Variants in ZAN observed in about 807,000 individuals in gnomAD.
The protein encoded by ZAN is zonadhesin.
A neutral mutation model predicts 286.2 loss-of-function variants in ZAN; 260 were observed. The ratio of observed to expected loss-of-function variants is 0.91; its 90% CI spans 0.82 to 1.01. ZAN has a LOEUF of 1.01. Among genes scored for constraint, ZAN ranks in the 50% least tolerant of loss-of-function variants. The pLI, the probability that ZAN is intolerant of heterozygous loss-of-function variation, is 0.00. For synonymous variants in ZAN, 1,368 were observed against 1,417.5 expected, an observed-to-expected ratio of 0.97 and a Z score of 0.79; for missense variants, 3,410 against 3,639.2, an observed-to-expected ratio of 0.94 and a Z score of 1.62.
chr7:100,743,031 C>CT lies in ZAN; in HGVS notation c.767-3494dup, dbSNP rs555399986. ...CAGGCGACACTCTTTCTTTTTCTTT[C>CT]TTTTTTTTTTTTTGAGACAGAATCT... On this transcript the variant is annotated intron_variant, in intron 7 of 47. Coordinates refer to ENST00000613979, the MANE Select transcript of ZAN (RefSeq NM_003386.3). 4.9e-3 allele frequency among the ~76,000 whole-genome samples: 600 copies of CT among 122,278 alleles called. 49 individuals carry two copies. The highest frequency in any genetic ancestry group is 0.027 in the South Asian group (105 of 3,838). The allele number at this position is 122,278 out of a possible 152,430, so 80.2% of individuals were successfully genotyped here.
intron 19 of ZAN, among the ~76,000 whole-genome samples, chr7:100,761,117 C>A (rs1809543345): frequency 6.6e-6 from 1 of 152,174 alleles, no homozygotes; most frequent in African/African-American, 2.4e-5. Context: ...TTGTCTCGAA[C>A]TCCTGACTTC....
At chr7:100,766,901 G>C (rs1223768895) in intron 24 of ZAN, 109 bp from the exon 25 acceptor site, 1 of 1,540,100 alleles carries the variant, frequency 6.5e-7, no homozygotes, top group African/African-American at 1.4e-5. Context: ...ACATCTGTGG[G>C]TGGGCCGTGG....
intron 28 of ZAN, among the ~76,000 whole-genome samples, chr7:100,770,825 T>C (rs1403788396): frequency 6.6e-6 from 1 of 150,454 alleles, no homozygotes; most frequent in African/African-American, 2.4e-5. Flanking sequence ...CAACTAATTT[T>C]TTTTTTCTCA....
At chr7:100,759,371 A>T (rs1374466094) in intron 17 of ZAN, among the ~76,000 whole-genome samples, 1 of 152,166 alleles carries the variant, frequency 6.6e-6, no homozygotes, top group Admixed American at 6.6e-5. Context: ...ACACCACTGC[A>T]CTCCAGCCTG....
intron 27 of ZAN, 90 bp downstream of exon 27, chr7:100,768,811 C>A: frequency 1.9e-6 from 2 of 1,079,616 alleles, no homozygotes; most frequent in Non-Finnish European, 2.7e-6. Flanking sequence ...TGTGTGTCCC[C>A]ACTCCCTCTG....
At chr7:100,787,797 G>C in intron 37 of ZAN, 92 bp from the exon 38 acceptor site, 1 of 1,323,292 alleles carries the variant, frequency 7.6e-7, no homozygotes, top group Non-Finnish European at 9.9e-7. Flanking sequence ...CCTGACCTCA[G>C]GTCATCCACC....
intron 3 of ZAN, among the ~76,000 whole-genome samples, 186 bp downstream of exon 3, chr7:100,735,958 C>G (rs1807264142): frequency 7.1e-6 from 1 of 141,042 alleles, no homozygotes; most frequent in African/African-American, 2.6e-5. Flanking sequence ...GTTCATGACC[C>G]CGGACCTTGT....
intron 17 of ZAN, 97 bp from the exon 18 acceptor site, chr7:100,759,624 C>T (rs779619643): frequency 4.8e-5 from 64 of 1,333,226 alleles, no homozygotes; most frequent in Middle Eastern, 2.1e-4. Context: ...GTCTCGGTGG[C>T]GCTCATCTCT....
chr7:100,785,681 C>T (rs1161965780), intron 36 of ZAN, among the ~76,000 whole-genome samples: 2 of 149,086 alleles, frequency 1.3e-5, no homozygotes, highest in Admixed American at 1.3e-4. Context: ...TTTCTTGAGA[C>T]AGAGTCTCGC....
At chr7:100,794,394 G>A in intron 44 of ZAN, 136 bp downstream of exon 44, 1 of 1,384,862 alleles carries the variant, frequency 7.2e-7, no homozygotes, top group Non-Finnish European at 9.6e-7. Flanking sequence ...TGTAGGGAGG[G>A]ACAAAGGACA....
intron 34 of ZAN, among the ~76,000 whole-genome samples, 154 bp downstream of exon 34, chr7:100,776,718 C>CTTTTTTTTTTTTTTTT (rs1161585746): frequency 2.1e-5 from 1 of 47,502 alleles, no homozygotes; most frequent in Non-Finnish European, 3.5e-5. Context: ...CCTCTCCTTT[C>CTTTTTTTTTTTTTTTT]TTTTTTTTTT....
In ZAN at chr7:100,751,309, A is replaced by G. The variant is rs777381602; in HGVS notation, c.1606+43A>G. 9 of 1,444,074 alleles carry G rather than the reference A, an allele frequency of 6.2e-6. 1 individual carries two copies. The highest frequency in any genetic ancestry group is 1.9e-6 in the Non-Finnish European group (2 of 1,074,006). The allele number at this position is 1,444,074 out of a possible 1,614,324, so 89.5% of individuals were successfully genotyped here. A position where few individuals can be genotyped will look rare whatever the true frequency, so the allele number is the denominator to read the frequency against. ...GCTCCAGGAAGGGGGCGGTGCCCTGAGGTTCCCTGGAGTTCTCTCTATGAA... is the reference window on the plus strand; with the variant it reads ...GCTCCAGGAAGGGGGCGGTGCCCTGGGGTTCCCTGGAGTTCTCTCTATGAA... On this transcript the variant is annotated intron_variant, in intron 13 of 47. Transcript: ENST00000613979.
intron 40 of ZAN, 94 bp from the exon 41 acceptor site, chr7:100,791,871 GC>G: frequency 7.1e-7 from 1 of 1,417,308 alleles, no homozygotes; most frequent in Non-Finnish European, 9.4e-7. Context: ...GGGACTCCAG[GC>G]AGCCACCACC....
In ZAN at chr7:100,752,830, T is replaced by A; in HGVS notation, c.2725T>A (p.Ser909Thr). The change falls in exon 14 of 48, where the codon TCC becomes ACC. Residue 909 changes from serine (S) to threonine (T), a missense_variant. By Grantham distance (58) the Ser-to-Thr change is moderately conservative. Around this residue, in one of 7 missense-constraint regions of ZAN, gnomAD observed 51 missense variants for 105.2 expected, o/e 0.48. Transcript: ENST00000613979. ...LTIPTEKPTISPEKPTISTEK... is the reference protein window; with the variant it reads ...LTIPTEKPTITPEKPTISTEK... ...CATCCCCACAGAAAAACCCACCATC[T>A]CCCCAGAAAAACCCACCATCTCCAC... 6.6e-7 allele frequency: 1 copy of A among 1,512,232 alleles called. No individual in the cohort carries two copies. Among genetic ancestry groups the A allele is most frequent in the Non-Finnish European group, 8.8e-7 (1 of 1,132,306 alleles). 93.7% of individuals were successfully genotyped at this position (1,512,232 alleles called of 1,614,324 possible).
chr7:100,752,685 C>T lies in ZAN; in HGVS notation c.2580C>T (p.Pro860=). 1 of 1,552,530 alleles carries T rather than the reference C, an allele frequency of 6.4e-7. No homozygotes were observed. The highest frequency in any genetic ancestry group is 8.8e-7 in the Non-Finnish European group (1 of 1,135,808). The stretch of plus-strand genomic sequence containing the variant: ...TCTCCACAGAAAAACCCACCATCCC[C>T]ACAGAAAAACCCACCATCTCCCCAG... ...PTISTEKPTI[P]TEKPTISPEK... The change falls in exon 14 of 48, where the codon CCC becomes CCT. Residue 860 remains proline, a synonymous_variant. Coordinates refer to ENST00000613979, the MANE Select transcript of ZAN (RefSeq NM_003386.3).
At chr7:100,771,782 C>T in intron 28 of ZAN, 62 bp from the exon 29 acceptor site, 2 of 1,522,114 alleles carry the variant, frequency 1.3e-6, no homozygotes, top group East Asian at 2.3e-5. Context: ...CCCAGGGAAG[C>T]CACATGGCCC....
chr7:100,758,690 C>T (rs1184470962), intron 17 of ZAN, 40 bp downstream of exon 17: 1 of 1,544,594 alleles, frequency 6.5e-7, no homozygotes, highest in Non-Finnish European at 8.7e-7. Context: ...GGGGGAGGGT[C>T]TGTGGGCAGC....
At chr7:100,792,532 C>A (rs772771054) in intron 42 of ZAN, 53 bp downstream of exon 42, 6 of 1,609,318 alleles carry the variant, frequency 3.7e-6, no homozygotes, top group Non-Finnish European at 4.2e-6. Context: ...CTGGCGGGAC[C>A]GCACCCTCTG....
At position 100,760,449 on chromosome 7, in the gene ZAN, C is replaced by T. The variant is rs757292583; in HGVS notation, c.3755C>T (p.Ala1252Val). The change falls in exon 19 of 48, where the codon GCA becomes GTA. Residue 1252 changes from alanine to valine, a missense_variant. Ala to Val is a moderately conservative substitution (Grantham distance 64). Coordinates refer to ENST00000613979, the MANE Select transcript of ZAN (RefSeq NM_003386.3). ...AIPSKGVFLGASGRFVELQTE... is the reference protein window; with the variant it reads ...AIPSKGVFLGVSGRFVELQTE... ...CCCTCTAAAGGCGTCTTCCTGGGTG[C>T]AAGCGGGCGGTTTGTGGAGCTGCAG... is the stretch of plus-strand genomic sequence containing the variant. 3.1e-6 allele frequency: 5 copies of T among 1,613,962 alleles called. No individual in the cohort carries two copies. The Admixed American group carries it at 6.7e-5, about 22-fold the overall frequency.
Sources: allele counts gnomAD v4.1 joint callset (sites outside exome capture counted in the v4.1 genomes callset), GRCh38; gene constraint gnomAD v4.1.1; regional missense constraint gnomAD v4.1.1; transcripts MANE v1.5; gene names NCBI Gene and HGNC (gene_info 2026-07-23, HGNC 2026-07-21).